PLEKHM3: variants seen among roughly 807,000 people sequenced by gnomAD.
PLEKHM3 encodes pleckstrin homology domain-containing family M member 3.
In PLEKHM3, 45 loss-of-function variants were observed where a neutral mutation model predicts 81.8. The ratio of observed to expected loss-of-function variants is 0.55; its 90% confidence interval spans 0.43 to 0.71. The LOEUF (loss-of-function observed/expected upper bound fraction) is 0.71, where lower values mean the gene tolerates loss of function less well. Ranked by LOEUF, PLEKHM3 falls within the 30% of genes least tolerant of loss-of-function variation. The probability of loss-of-function intolerance (pLI) is 0.00; values close to 1 mark genes in which losing one functional copy is unlikely to be tolerated. For synonymous variants in PLEKHM3, 352 were observed against 356.4 expected (o/e 0.99, Z 0.14); for missense variants, 788 against 924.3 (o/e 0.85, Z 1.91).
intron 6 of PLEKHM3, among the ~76,000 whole-genome samples, chr2:207,890,246 A>T (rs868688115): frequency 1.3e-5 from 2 of 152,236 alleles, no homozygotes; most frequent in Non-Finnish European, 2.9e-5. Flanking sequence ...AATAAAACAA[A>T]ATAGAGTTAC....
At chr2:207,856,533 T>A (rs28588303) in intron 7 of PLEKHM3, among the ~76,000 whole-genome samples, 1 of 152,238 alleles carries the variant, frequency 6.6e-6, no homozygotes, top group African/African-American at 2.4e-5. Context: ...TTTTGCCTTT[T>A]CCGAAATGTC....
rs576099639 is a variant in PLEKHM3 at position 207,957,043 on chromosome 2, C to T, written c.1547-10531G>A. ...TGCAGATGATCTGGCAACTGACAGA[C>T]GTTGGGGGCATGCAAAGGGACTGTT... On this transcript the variant is annotated intron_variant, in intron 3 of 7. Transcript: ENST00000427836. Among the ~76,000 whole-genome samples, 33 of 152,100 alleles carry T rather than the reference C, an allele frequency of 2.2e-4. 1 individual carries two copies. The highest frequency in any genetic ancestry group is 7.5e-4 in the African/African-American group (31 of 41,498).
intron 1 of PLEKHM3, among the ~76,000 whole-genome samples, chr2:208,004,417 C>G (rs1433464569): frequency 7.0e-6 from 1 of 143,058 alleles, no homozygotes; most frequent in Admixed American, 6.9e-5. Context: ...TGCCCTGTCT[C>G]AAAAAAAAAA....
At chr2:207,950,467 C>T (rs1013658999) in intron 3 of PLEKHM3, among the ~76,000 whole-genome samples, 5 of 152,166 alleles carry the variant, frequency 3.3e-5, no homozygotes, top group Admixed American at 6.5e-5. Context: ...TTTCTGCAGA[C>T]GTTTGTGAGA....
intron 6 of PLEKHM3, among the ~76,000 whole-genome samples, chr2:207,881,100 C>G (rs1433698596): frequency 6.6e-6 from 1 of 151,210 alleles, no homozygotes; most frequent in African/African-American, 2.4e-5. Context: ...TGGTTTTGCA[C>G]AAAGATATAC....
At chr2:207,973,178 TC>T (rs1289963263) in intron 3 of PLEKHM3, among the ~76,000 whole-genome samples, 2 of 152,252 alleles carry the variant, frequency 1.3e-5, no homozygotes, top group Non-Finnish European at 2.9e-5. Context: ...ACCAGCTTTT[TC>T]ACTGAAGGTG....
chr2:207,840,584 A>G (rs2092344637), intron 7 of PLEKHM3, among the ~76,000 whole-genome samples: 1 of 152,168 alleles, frequency 6.6e-6, no homozygotes. Flanking sequence ...TAATTGTAAT[A>G]TGGAGTTGTT....
Position 207,837,831 on chromosome 2 carries a change from T to G in PLEKHM3, c.2109-9335A>C, listed in dbSNP as rs1380105560. Among the ~76,000 whole-genome samples, 3 of 127,902 alleles carry G rather than the reference T, an allele frequency of 2.3e-5. No homozygotes were observed. In the Admixed American group the frequency reaches 2.7e-4, roughly 12 times the overall value. The allele number at this position is 127,902 out of a possible 152,430, so 83.9% of individuals were successfully genotyped here. On this transcript the variant is annotated intron_variant, in intron 7 of 7. Coordinates refer to ENST00000427836, the MANE Select transcript of PLEKHM3 (RefSeq NM_001080475.3). ...TGTTGCCCAGGCTGGAGGGCAGTGG[T>G]GCGATCTCAGCTCACTGCAACCTCC...
intron 3 of PLEKHM3, among the ~76,000 whole-genome samples, chr2:207,964,834 T>C (rs1690860195): frequency 1.3e-5 from 2 of 152,234 alleles, no homozygotes; most frequent in Non-Finnish European, 2.9e-5. Flanking sequence ...TAGCCATACA[T>C]ACAGGCATTT....
chr2:207,842,477 G>A (rs2092360176), intron 7 of PLEKHM3, among the ~76,000 whole-genome samples: 1 of 152,272 alleles, frequency 6.6e-6, no homozygotes, highest in South Asian at 2.1e-4. Flanking sequence ...GTTTAATAAT[G>A]TATAAACTTT....
chr2:207,994,695 A>G (rs1011634236), intron 2 of PLEKHM3, among the ~76,000 whole-genome samples: 21 of 152,218 alleles, frequency 1.4e-4, no homozygotes, highest in African/African-American at 5.1e-4. Context: ...GAGGTTCTTC[A>G]GAGATAACTG....
chr2:207,878,564 C>T (rs1419692055), intron 6 of PLEKHM3, among the ~76,000 whole-genome samples: 3 of 152,284 alleles, frequency 2.0e-5, no homozygotes, highest in South Asian at 2.1e-4. Flanking sequence ...GCTGAGATCG[C>T]GCCACTGCAC....
intron 6 of PLEKHM3, among the ~76,000 whole-genome samples, chr2:207,908,024 C>G (rs1443921710): frequency 6.6e-6 from 1 of 152,208 alleles, no homozygotes; most frequent in Non-Finnish European, 1.5e-5. Flanking sequence ...CAGTACTTCA[C>G]TTCTTTCTAT....
At chr2:207,920,327 T>C (rs981094072) in intron 5 of PLEKHM3, among the ~76,000 whole-genome samples, 1 of 152,160 alleles carries the variant, frequency 6.6e-6, no homozygotes, top group Admixed American at 6.5e-5. Flanking sequence ...CCTTGACTAG[T>C]GCTGGAGAGA....
chr2:207,826,937 C>T lies in PLEKHM3; in HGVS notation c.*1382G>A, dbSNP rs370720516. On this transcript the variant is annotated 3_prime_UTR_variant, in exon 8 of 8. Coordinates refer to ENST00000427836, the MANE Select transcript of PLEKHM3 (RefSeq NM_001080475.3). Reference sequence around the variant, plus strand: ...AGGGTCCCAGGGCTGTCCTACCTGCCGTTTTGGTCACAGTGACTGCCACGT... The same window carrying T: ...AGGGTCCCAGGGCTGTCCTACCTGCTGTTTTGGTCACAGTGACTGCCACGT... 2 of 152,130 alleles carry T rather than the reference C, an allele frequency of 1.3e-5. No homozygotes were observed. Among genetic ancestry groups the T allele is most frequent in the African/African-American group, 2.4e-5 (1 of 41,402 alleles). The allele number at this position is 152,130 out of a possible 1,614,324, so 9.4% of individuals were successfully genotyped here. A position where few individuals can be genotyped will look rare whatever the true frequency, so the allele number is the denominator to read the frequency against.
intron 6 of PLEKHM3, among the ~76,000 whole-genome samples, chr2:207,889,434 AACAC>A (rs35082335): frequency 0.03 from 3,825 of 129,134 alleles, 136 homozygotes; most frequent in African/African-American, 0.082. Context: ...GGTTTTTTTC[AACAC>A]ACACACACAC....
At chr2:207,902,860 C>CCATCCATCCATG in intron 6 of PLEKHM3, among the ~76,000 whole-genome samples, 1 of 146,810 alleles carries the variant, frequency 6.8e-6, no homozygotes, top group African/African-American at 2.5e-5. Context: ...ACCCACCCAT[C>CCATCCATCCATG]CATCCATCCA....
chr2:207,996,412 T>G (rs1309749249), intron 2 of PLEKHM3, among the ~76,000 whole-genome samples: 1 of 152,140 alleles, frequency 6.6e-6, no homozygotes, highest in Non-Finnish European at 1.5e-5. Context: ...CTAAAGAAGT[T>G]AATATCTTTA....
chr2:207,912,871 C>T (rs999786037), intron 5 of PLEKHM3, among the ~76,000 whole-genome samples: 7 of 152,160 alleles, frequency 4.6e-5, no homozygotes, highest in African/African-American at 1.7e-4. Context: ...ATTTGCAAGA[C>T]ATTCTCTAAA....
Sources: gnomAD v4.1 joint callset for allele counts (sites outside exome capture counted in the v4.1 genomes callset) on GRCh38, gnomAD v4.1.1 for gene constraint, MANE v1.5 for transcripts, NCBI Gene and HGNC (gene_info 2026-07-23, HGNC 2026-07-21) for gene names.